MAGI2: variants seen among roughly 807,000 people sequenced by gnomAD.
MAGI2 encodes the protein membrane associated guanylate kinase, WW and PDZ domain containing 2.
Under a neutral mutation model 133.3 loss-of-function variants are expected in MAGI2, and 35 were observed. The observed-to-expected ratio is 0.26, with a 90% CI of 0.20 to 0.35. MAGI2 has a LOEUF of 0.35. MAGI2 is among the 10% of genes least tolerant of loss of function. The pLI is 1.00. For synonymous variants in MAGI2, 729 were observed against 710.6 expected, an observed-to-expected ratio of 1.03 and a Z score of -0.41; for missense variants, 1,636 against 1,863.4, an observed-to-expected ratio of 0.88 and a Z score of 2.25.
At chr7:78,370,509 T>C (rs1216696680) in intron 6 of MAGI2, among the ~76,000 whole-genome samples, 1 of 151,978 alleles carries the variant, frequency 6.6e-6, no homozygotes, top group Non-Finnish European at 1.5e-5. Context: ...CATATTTCTA[T>C]AATATAGTAT....
chr7:78,811,584 T>C (rs1483138750), intron 2 of MAGI2, among the ~76,000 whole-genome samples: 1 of 152,208 alleles, frequency 6.6e-6, no homozygotes, highest in Non-Finnish European at 1.5e-5. Flanking sequence ...AAAACAAATT[T>C]TCGCCTTCAT....
chr7:79,144,850 C>G (rs1207512935), intron 1 of MAGI2, among the ~76,000 whole-genome samples: 1 of 152,136 alleles, frequency 6.6e-6, no homozygotes, highest in Admixed American at 6.5e-5. Context: ...TTTAACATGC[C>G]TTCCCCAACC....
chr7:78,031,054 T>C (rs1263340968), intron 21 of MAGI2, among the ~76,000 whole-genome samples: 5 of 152,224 alleles, frequency 3.3e-5, no homozygotes, highest in Non-Finnish European at 7.3e-5. Context: ...AAGCGACTTA[T>C]ACACTCAACG....
In MAGI2 at chr7:78,914,242, A is replaced by G. The variant is rs1798620692; in HGVS notation, c.418+92848T>C. On this transcript the variant is annotated intron_variant, in intron 2 of 21. Coordinates refer to ENST00000354212, the MANE Select transcript of MAGI2 (RefSeq NM_012301.4). ...AGATAAAGGATTCAATAAACATTTA[A>G]TAACATATGAACAAACAACATTGTG... Among the ~76,000 whole-genome samples, 6 of 152,280 alleles carry G rather than the reference A, an allele frequency of 3.9e-5. No individual in the cohort carries two copies. The South Asian group carries it at 1.2e-3, about 32-fold the overall frequency.
At position 79,194,168 on chromosome 7, in the gene MAGI2, A is replaced by AT. The variant is rs1827891169; in HGVS notation, c.302-186963dup. ...TTGAATATCAAAATGTGGAGAAATT[A>AT]TTTTTTAGAGAATTCTGGTTTTACT... On this transcript the variant is annotated intron_variant, in intron 1 of 21. Coordinates refer to ENST00000354212, the MANE Select transcript of MAGI2 (RefSeq NM_012301.4). Among the ~76,000 whole-genome samples the AT allele has an allele frequency of 1.3e-5, 2 of 151,884 alleles. 1 individual carries two copies. Among genetic ancestry groups the AT allele is most frequent in the African/African-American group, 4.8e-5 (2 of 41,272 alleles).
At chr7:79,437,622 T>C (rs971993386) in intron 1 of MAGI2, among the ~76,000 whole-genome samples, 4 of 152,090 alleles carry the variant, frequency 2.6e-5, no homozygotes, top group African/African-American at 9.7e-5. Context: ...CAAAATTTGC[T>C]CCAAGTATAG....
At chr7:78,602,640 G>A (rs1269182654) in intron 3 of MAGI2, among the ~76,000 whole-genome samples, 2 of 152,012 alleles carry the variant, frequency 1.3e-5, no homozygotes, top group Non-Finnish European at 2.9e-5. Context: ...ACAAATGAAA[G>A]GAATAGGAAA....
At chr7:78,070,174 C>CACATATATATAT (rs1321917404) in intron 21 of MAGI2, among the ~76,000 whole-genome samples, 5 of 56,650 alleles carry the variant, frequency 8.8e-5, no homozygotes, top group Admixed American at 1.8e-4. Context: ...CACACACACA[C>CACATATATATAT]ATATATATAT....
chr7:78,501,508 A>T, intron 5 of MAGI2, 69 bp downstream of exon 5: 1 of 1,248,324 alleles, frequency 8.0e-7, no homozygotes, highest in Non-Finnish European at 1.1e-6. Flanking sequence ...TTCCACGTCT[A>T]ACTTGCTACA....
chr7:78,742,200 G>T (rs1227806207), intron 2 of MAGI2, among the ~76,000 whole-genome samples: 1 of 152,106 alleles, frequency 6.6e-6, no homozygotes, highest in African/African-American at 2.4e-5. Flanking sequence ...CCTTTCCAAG[G>T]TTACCCAGAC....
In MAGI2 at chr7:78,127,434, G is replaced by C. The variant is rs112251770; in HGVS notation, c.3204-18C>G. On this transcript the variant is annotated intron_variant, in intron 18 of 21. Transcript: ENST00000354212. The stretch of plus-strand genomic sequence containing the variant: ...ACCTGTAACTAAATCAATGGAAATG[G>C]GATTTGCTTTTGTAACTCTGCATTC... The C allele has an allele frequency of 5.9e-5, 93 of 1,583,582 alleles. No individual in the cohort carries two copies. The East Asian group carries it at 1.9e-3, about 33-fold the overall frequency.
Position 78,283,003 on chromosome 7 carries a change from C to A in MAGI2, c.1409-26422G>T, listed in dbSNP as rs545288486. Among the ~76,000 whole-genome samples, 7 of 151,976 alleles carry A rather than the reference C, an allele frequency of 4.6e-5. No homozygotes were observed. The South Asian group carries it at 1.5e-3, about 32-fold the overall frequency. ...AACTCAAGAAATAATAAGATATGAC[C>A]TGGATTTCCTTTCATTTATTATATT... On this transcript the variant is annotated intron_variant, in intron 9 of 21. Coordinates refer to ENST00000354212, the MANE Select transcript of MAGI2 (RefSeq NM_012301.4).
intron 1 of MAGI2, among the ~76,000 whole-genome samples, chr7:79,120,374 A>C (rs979869010): frequency 7.2e-5 from 11 of 152,086 alleles, no homozygotes; most frequent in African/African-American, 1.4e-4. Flanking sequence ...AATGATATGC[A>C]AGATGGAAGT....
intron 3 of MAGI2, among the ~76,000 whole-genome samples, chr7:78,561,679 A>G (rs538299305): frequency 2.6e-5 from 4 of 152,286 alleles, no homozygotes; most frequent in Non-Finnish European, 5.9e-5. Context: ...TCTTTTTGGA[A>G]TGAATGAATG....
intron 2 of MAGI2, among the ~76,000 whole-genome samples, chr7:78,766,249 G>C (rs1825017757): frequency 6.6e-6 from 1 of 152,224 alleles, no homozygotes; most frequent in Admixed American, 6.5e-5. Flanking sequence ...TCCAGAGTCA[G>C]TTGAGATTTG....
intron 6 of MAGI2, among the ~76,000 whole-genome samples, chr7:78,440,737 A>G (rs1787533595): frequency 6.6e-6 from 1 of 152,050 alleles, no homozygotes; most frequent in Non-Finnish European, 1.5e-5. Context: ...AGATCACTTG[A>G]GGTCAGGAGT....
intron 10 of MAGI2, chr7:78,252,332 A>G (rs1329933172): frequency 3.9e-5 from 6 of 152,106 alleles, no homozygotes; most frequent in Non-Finnish European, 7.4e-5. Flanking sequence ...AAACAGATCA[A>G]TGGAACAGAA....
intron 1 of MAGI2, among the ~76,000 whole-genome samples, chr7:79,358,133 A>T (rs1842146029): frequency 1.3e-5 from 2 of 152,062 alleles, no homozygotes; most frequent in South Asian, 4.1e-4. Flanking sequence ...TTCTCTATGA[A>T]AATATCCTCT....
chr7:78,821,842 G>T (rs182451492), intron 2 of MAGI2, among the ~76,000 whole-genome samples: 8 of 152,032 alleles, frequency 5.3e-5, no homozygotes, highest in Admixed American at 4.6e-4. Context: ...ATCTGACAAT[G>T]ATAGATTTGG....
Sources: allele counts gnomAD v4.1 joint callset (sites outside exome capture counted in the v4.1 genomes callset), GRCh38; gene constraint gnomAD v4.1.1; transcripts MANE v1.5; gene names NCBI Gene and HGNC (gene_info 2026-07-23, HGNC 2026-07-21).